Variants in NAV1 observed in about 807,000 individuals in gnomAD.
NAV1 encodes the protein neuron navigator 1.
Under a neutral mutation model 175.2 loss-of-function variants are expected in NAV1, and 18 were observed. The observed-to-expected ratio is 0.10, with a 90% CI of 0.07 to 0.15. The LOEUF is 0.15. Among genes scored for constraint, NAV1 ranks in the 10% least tolerant of loss-of-function variants. The pLI is 1.00. For missense variants in NAV1, 1,731 were observed against 2,436.6 expected (o/e 0.71, Z 6.10); for synonymous variants, 897 against 978.7 (o/e 0.92, Z 1.56).
chr1:201,808,784 G>T lies in NAV1; in HGVS notation c.4120G>T (p.Val1374Phe). 6.2e-7 allele frequency: 1 copy of T among 1,614,090 alleles called. No individual in the cohort carries two copies. The highest frequency in any genetic ancestry group is 1.1e-5 in the South Asian group (1 of 91,082). The change falls in exon 20 of 30, where the codon GTC becomes TTC. Residue 1374 changes from valine (V) to phenylalanine (F), a missense_variant. This residue lies in a region of NAV1 where 122 missense variants were observed against 139.4 expected (regional missense o/e 0.88). Coordinates refer to ENST00000367296, the Ensembl canonical transcript of NAV1. The surrounding 1 kb of genome is among the most constrained non-coding windows in gnomAD (Gnocchi z 5.5). The stretch of plus-strand genomic sequence containing the variant: ...CTCATCAGGCTCCACTCCAGGGCAG[G>T]TCCCTGGATCATCTGCATTATCTTC...
exon 1 of NAV1, chr1:201,649,066 C>A: frequency 1.2e-6 from 2 of 1,613,394 alleles, no homozygotes. Flanking sequence ...CGTGAAGCTC[C>A]GCTGATGTCC....
chr1:201,554,511 G>A (rs550430397), intron 1 of NAV1, among the ~76,000 whole-genome samples: 2 of 152,306 alleles, frequency 1.3e-5, no homozygotes, highest in East Asian at 3.9e-4. Context: ...GCAAAGTCTG[G>A]GCTAGGGCGG....
chr1:201,574,308 A>G (rs1454989828), intron 1 of NAV1, among the ~76,000 whole-genome samples: 1 of 152,092 alleles, frequency 6.6e-6, no homozygotes, highest in East Asian at 1.9e-4. Flanking sequence ...GACGAGAGAG[A>G]CATTCATTCT....
intron 1 of NAV1, among the ~76,000 whole-genome samples, chr1:201,563,723 G>A (rs1666274045): frequency 1.3e-5 from 2 of 152,168 alleles, no homozygotes; most frequent in South Asian, 2.1e-4. Context: ...AAAGACCTGC[G>A]AAGGCAGAAT....
At chr1:201,785,762 G>T (rs1437795260) in intron 8 of NAV1, among the ~76,000 whole-genome samples, 2 of 137,550 alleles carry the variant, frequency 1.5e-5, no homozygotes, top group African/African-American at 2.7e-5. Context: ...GCACTGAGTT[G>T]TTCAGTTGGG....
intron 2 of NAV1, among the ~76,000 whole-genome samples, chr1:201,617,877 T>A (rs1668050066): frequency 6.6e-6 from 1 of 152,188 alleles, no homozygotes; most frequent in South Asian, 2.1e-4. Context: ...TCAGACAGAA[T>A]ATGAGGCAGT....
intron 1 of NAV1, among the ~76,000 whole-genome samples, chr1:201,579,412 G>A (rs1666783134): frequency 6.6e-6 from 1 of 152,124 alleles, no homozygotes; most frequent in Non-Finnish European, 1.5e-5. Context: ...CTGGAGTGCA[G>A]TGGCACAATC....
chr1:201,818,296 A>T (rs1199839067), intron 29 of NAV1, among the ~76,000 whole-genome samples: 1 of 152,190 alleles, frequency 6.6e-6, no homozygotes, highest in Non-Finnish European at 1.5e-5. Flanking sequence ...TGAGAGGCCA[A>T]GGCGGGCGGA....
At chr1:201,542,725 C>T (rs2102442857) in intron 1 of NAV1, among the ~76,000 whole-genome samples, 1 of 152,312 alleles carries the variant, frequency 6.6e-6, no homozygotes, top group African/African-American at 2.4e-5. Flanking sequence ...CCCATCAAAT[C>T]TATTTGCTCT....
chr1:201,611,988 C>G (rs961410706), intron 2 of NAV1, among the ~76,000 whole-genome samples: 4 of 151,906 alleles, frequency 2.6e-5, no homozygotes, highest in African/African-American at 9.7e-5. Flanking sequence ...TGAGCACGTA[C>G]CTGTGTGTCT....
intron 3 of NAV1, among the ~76,000 whole-genome samples, chr1:201,755,772 C>A (rs1674414169): frequency 6.6e-6 from 1 of 152,006 alleles, no homozygotes; most frequent in Admixed American, 6.6e-5. Flanking sequence ...CCTCCTTATG[C>A]CTGGCGTGGA....
In NAV1 at chr1:201,787,510, G is replaced by A; in HGVS notation, c.2995+933G>A. 3 of 375,400 alleles carry A rather than the reference G, an allele frequency of 8.0e-6. No homozygotes were observed. Among genetic ancestry groups the A allele is most frequent in the South Asian group, 6.1e-5 (3 of 48,888 alleles). 23.3% of individuals were successfully genotyped at this position (375,400 alleles called of 1,614,324 possible). A position where few individuals can be genotyped will look rare whatever the true frequency, so the allele number is the denominator to read the frequency against. ...CTGAAGGGCTACTAAATGGAGGATG[G>A]GGCCAGCTTGTTCTCTATCTCCATT... On this transcript the variant is annotated intron_variant, in intron 9 of 29. Transcript: ENST00000367296. The surrounding 1 kb of genome is among the most constrained non-coding windows in gnomAD (Gnocchi z 4.3).
chr1:201,555,136 A>G (rs1325216724), intron 1 of NAV1, among the ~76,000 whole-genome samples: 1 of 152,150 alleles, frequency 6.6e-6, no homozygotes, highest in Non-Finnish European at 1.5e-5. Context: ...ATCTTCACTA[A>G]TTACTTCTTC....
intron 15 of NAV1, 25 bp from the exon 20 acceptor site, chr1:201,803,568 T>A (rs1182614444): frequency 6.2e-7 from 1 of 1,609,516 alleles, no homozygotes; most frequent in East Asian, 2.2e-5. Context: ...TGTTCTATGT[T>A]TTTCCCACTT....
At chr1:201,751,243 A>G (rs1210344403) in intron 3 of NAV1, among the ~76,000 whole-genome samples, 2 of 152,252 alleles carry the variant, frequency 1.3e-5, no homozygotes, top group African/African-American at 2.4e-5. Context: ...AAGCATGTGT[A>G]AAAGAACATG....
chr1:201,665,392 C>T (rs1371779861), intron 1 of NAV1, among the ~76,000 whole-genome samples: 7 of 152,182 alleles, frequency 4.6e-5, no homozygotes, highest in Admixed American at 4.6e-4. Context: ...AGGAATCCAG[C>T]AGCTGGCTTA....
intron 14 of NAV1, 33 bp downstream of exon 18, chr1:201,793,908 G>C: frequency 4.1e-6 from 2 of 492,380 alleles, no homozygotes; most frequent in Non-Finnish European, 8.2e-6. Context: ...GGAGGGGTGG[G>C]TGCGGCGAGG....
intron 1 of NAV1, among the ~76,000 whole-genome samples, chr1:201,684,753 G>A (rs1455412115): frequency 6.6e-6 from 1 of 151,916 alleles, no homozygotes; most frequent in African/African-American, 2.4e-5. Flanking sequence ...GGGATTACAG[G>A]CGTGAGCCAC....
intron 1 of NAV1, among the ~76,000 whole-genome samples, chr1:201,581,549 C>G (rs1316155016): frequency 3.3e-5 from 5 of 152,232 alleles, no homozygotes; most frequent in East Asian, 1.9e-4. Flanking sequence ...AGAGCTCCGG[C>G]CGGGCGCGGT....
Sources: gnomAD v4.1 joint callset for allele counts (sites outside exome capture counted in the v4.1 genomes callset) on GRCh38, gnomAD v4.1.1 for gene constraint, gnomAD v4.1.1 regional missense constraint, Gnocchi (gnomAD v3.1) non-coding constraint, MANE v1.5 for transcripts, NCBI Gene and HGNC (gene_info 2026-07-23, HGNC 2026-07-21) for gene names.